Variants in PALM2AKAP2 observed in about 807,000 individuals in gnomAD.
PALM2AKAP2 encodes the protein PALM2-AKAP2 fusion protein.
A neutral mutation model predicts 71.5 loss-of-function variants in PALM2AKAP2; 37 were observed. That is an observed-to-expected ratio of 0.52 (90% CI 0.40 to 0.68). The LOEUF (loss-of-function observed/expected upper bound fraction) is 0.68, where lower values mean the gene tolerates loss of function less well. PALM2AKAP2 is among the 30% of genes least tolerant of loss of function. The pLI, the probability that PALM2AKAP2 is intolerant of heterozygous loss-of-function variation, is 0.00. For synonymous variants in PALM2AKAP2, 468 were observed against 478.8 expected, an observed-to-expected ratio of 0.98 and a Z score of 0.29; for missense variants, 1,224 against 1,191.8, an observed-to-expected ratio of 1.03 and a Z score of -0.40.
At chr9:109,708,951 G>A (rs1828184183) in intron 1 of PALM2AKAP2, among the ~76,000 whole-genome samples, 1 of 152,168 alleles carries the variant, frequency 6.6e-6, no homozygotes, top group Non-Finnish European at 1.5e-5. Flanking sequence ...TCAGAGGACT[G>A]GGCCACAACT....
intron 6 of PALM2AKAP2, among the ~76,000 whole-genome samples, chr9:109,968,292 G>T (rs774140489): frequency 3.3e-5 from 5 of 152,176 alleles, no homozygotes; most frequent in African/African-American, 4.8e-5. Context: ...GCTGTGGAAG[G>T]CCTGGATCTG....
intron 6 of PALM2AKAP2, among the ~76,000 whole-genome samples, chr9:109,937,039 G>A (rs1022273354): frequency 2.0e-5 from 3 of 152,184 alleles, no homozygotes; most frequent in Non-Finnish European, 4.4e-5. Flanking sequence ...CCTTGCTTGT[G>A]TCGGTTACTC....
At chr9:109,670,211 C>T (rs1256655124) in intron 1 of PALM2AKAP2, among the ~76,000 whole-genome samples, 1 of 152,092 alleles carries the variant, frequency 6.6e-6, no homozygotes, top group African/African-American at 2.4e-5. Context: ...ATTATTTCAT[C>T]ACCCAGGTAT....
intron 5 of PALM2AKAP2, among the ~76,000 whole-genome samples, chr9:109,926,264 A>C (rs73539432): frequency 0.015 from 2,342 of 152,300 alleles, 66 homozygotes; most frequent in African/African-American, 0.054. Context: ...ACAAACAAAC[A>C]AACCTGTGAT....
chr9:109,843,444 T>A (rs1828764666), intron 1 of PALM2AKAP2, among the ~76,000 whole-genome samples: 1 of 152,146 alleles, frequency 6.6e-6, no homozygotes, highest in African/African-American at 2.4e-5. Context: ...TTTAAATGCC[T>A]ATTTTGATGT....
At chr9:109,739,803 C>G (rs1828691426) in intron 1 of PALM2AKAP2, among the ~76,000 whole-genome samples, 1 of 152,234 alleles carries the variant, frequency 6.6e-6, no homozygotes, top group Non-Finnish European at 1.5e-5. Context: ...GCCTGGCCCT[C>G]TCTAGACACC....
At chr9:110,137,595 G>C (rs143055704) in exon 2 of PALM2AKAP2, 1 of 1,614,162 alleles carries the variant, frequency 6.2e-7, no homozygotes, top group Non-Finnish European at 8.5e-7. Flanking sequence ...GATGACCATG[G>C]GATTTTGGAT....
At chr9:110,164,282 T>G (rs930141706) in intron 3 of PALM2AKAP2, among the ~76,000 whole-genome samples, 5 of 152,146 alleles carry the variant, frequency 3.3e-5, no homozygotes, top group Admixed American at 3.3e-4. Flanking sequence ...GGTTGGAAGA[T>G]GAAATATAAA....
chr9:110,009,943 T>C (rs1832850460), intron 6 of PALM2AKAP2, among the ~76,000 whole-genome samples: 1 of 152,124 alleles, frequency 6.6e-6, no homozygotes, highest in Admixed American at 6.5e-5. Flanking sequence ...AGGGCAGCCA[T>C]GTAAGTCAAC....
At chr9:110,082,367 G>A (rs1041050345) in intron 1 of PALM2AKAP2, among the ~76,000 whole-genome samples, 3 of 152,206 alleles carry the variant, frequency 2.0e-5, no homozygotes, top group African/African-American at 4.8e-5. Context: ...AAGCAGTGGC[G>A]TCTTAACATA....
chr9:110,091,405 T>G (rs112618355), intron 1 of PALM2AKAP2, among the ~76,000 whole-genome samples: 380 of 19,948 alleles, frequency 0.019, no homozygotes, highest in Middle Eastern at 0.033. Context: ...GTGGTTGGGG[T>G]GTGTGTGTGT....
In PALM2AKAP2 at chr9:109,653,440, C is replaced by T. The variant is rs116615432; in HGVS notation, c.5+12574C>T. On this transcript the variant is annotated intron_variant, in intron 1 of 6. Transcript: ENST00000374531. ...TGCACCTATGAGCCATCCAGAGAAA[C>T]GTTAAATAAGTTGGTCCAGAAACAC... Among the ~76,000 whole-genome samples, 479 of 152,300 alleles carry T rather than the reference C, an allele frequency of 3.1e-3. 3 individuals carry two copies. The highest frequency in any genetic ancestry group is 0.011 in the African/African-American group (447 of 41,566).
intron 1 of PALM2AKAP2, among the ~76,000 whole-genome samples, chr9:110,121,248 A>T (rs1305979012): frequency 6.6e-6 from 1 of 152,164 alleles, no homozygotes; most frequent in Non-Finnish European, 1.5e-5. Flanking sequence ...AAGTATTCCC[A>T]TCTGATTCAC....
At position 109,866,694 on chromosome 9, in the gene PALM2AKAP2, G is replaced by A. The variant is rs139095591; in HGVS notation, c.46-797G>A. 3.8e-4 allele frequency among the ~76,000 whole-genome samples: 58 copies of A among 152,190 alleles called. No homozygotes were observed. In the East Asian group the frequency reaches 7.9e-3, roughly 21 times the overall value. ...CCAGGTATTGTTCTAGGCCTTTTAC[G>A]TTACATCATCTTATTTAATCCACTC... On this transcript the variant is annotated intron_variant, in intron 1 of 9. Coordinates refer to the PALM2AKAP2 transcript ENST00000302798.
chr9:109,792,379 A>G (rs1827136463), intron 1 of PALM2AKAP2, among the ~76,000 whole-genome samples: 1 of 152,232 alleles, frequency 6.6e-6, no homozygotes. Flanking sequence ...CTTCCACCTC[A>G]GCTTCCTAAG....
intron 1 of PALM2AKAP2, among the ~76,000 whole-genome samples, chr9:109,654,569 T>C (rs1413775463): frequency 3.3e-5 from 5 of 152,206 alleles, no homozygotes; most frequent in Non-Finnish European, 7.3e-5. Flanking sequence ...AAGGACTCAA[T>C]ATGTTCACTC....
intron 1 of PALM2AKAP2, among the ~76,000 whole-genome samples, chr9:109,745,848 T>C (rs1828792168): frequency 6.6e-6 from 1 of 152,160 alleles, no homozygotes; most frequent in Admixed American, 6.5e-5. Flanking sequence ...GCTTCATAAA[T>C]TCAGACCCCA....
chr9:109,691,857 TATATATATATACAC>T lies in PALM2AKAP2; in HGVS notation c.5+50993_5+51006del, dbSNP rs768842305. Among the ~76,000 whole-genome samples, 572 of 46,764 alleles carry T rather than the reference TATATATATATACAC, an allele frequency of 0.012. 41 individuals carry two copies. In the East Asian group the frequency reaches 0.26, roughly 21 times the overall value. The allele number at this position is 46,764 out of a possible 152,430, so 30.7% of individuals were successfully genotyped here. On this transcript the variant is annotated intron_variant, in intron 1 of 6. Coordinates refer to the PALM2AKAP2 transcript ENST00000374531. Reference sequence around the variant, plus strand: ...CGATATATATATATATATATATATATATATATATATACACACACACACACATATATATATATATA... The same window carrying T: ...CGATATATATATATATATATATATATACACACACACATATATATATATATA...
At chr9:109,742,318 A>G (rs1828728770) in intron 1 of PALM2AKAP2, among the ~76,000 whole-genome samples, 1 of 151,404 alleles carries the variant, frequency 6.6e-6, no homozygotes, top group African/African-American at 2.4e-5. Flanking sequence ...CAGCCACTTG[A>G]GTCGACTGAA....
Sources: allele counts gnomAD v4.1 joint callset (sites outside exome capture counted in the v4.1 genomes callset), GRCh38; gene constraint gnomAD v4.1.1; transcripts MANE v1.5; gene names NCBI Gene and HGNC (gene_info 2026-07-23, HGNC 2026-07-21).